PARVG: variants seen among roughly 807,000 people sequenced by gnomAD.
The protein encoded by PARVG is gamma-parvin.
A neutral mutation model predicts 44.4 loss-of-function variants in PARVG; 36 were observed. The observed-to-expected ratio is 0.81, with a 90% confidence interval of 0.62 to 1.07. PARVG has a LOEUF of 1.07. Among genes scored for constraint, PARVG ranks in the 50% least tolerant of loss-of-function variants. PARVG has a pLI of 0.00. For missense variants in PARVG, 407 were observed against 407.4 expected (o/e 1.00, Z 0.01); for synonymous variants, 170 against 174.1 (o/e 0.98, Z 0.19).
upstream of PARVG, among the ~76,000 whole-genome samples, chr22:44,176,274 A>G (rs760990094): frequency 6.4e-4 from 97 of 152,358 alleles, 1 homozygote; most frequent in Non-Finnish European, 2.5e-4. Context: ...ATCCTCCTGC[A>G]TACTTTAAAC....
intron 1 of PARVG, chr22:44,173,210 T>C (rs1054553620): frequency 1.6e-6 from 2 of 1,228,888 alleles, no homozygotes; most frequent in Non-Finnish European, 2.1e-6. Context: ...TAAAGGCTCA[T>C]CTGCCCCTCT....
intron 6 of PARVG, 110 bp downstream of exon 6, chr22:44,189,364 G>A: frequency 6.8e-7 from 1 of 1,468,846 alleles, no homozygotes; most frequent in South Asian, 1.3e-5. Flanking sequence ...TCCCAGCAGG[G>A]GTACAACCTG....
intron 12 of PARVG, among the ~76,000 whole-genome samples, 199 bp downstream of exon 12, chr22:44,198,921 TCTACCCATCCATCCATCCACCCAC>T (rs1569186357): frequency 1.8e-4 from 6 of 33,802 alleles, no homozygotes; most frequent in African/African-American, 4.7e-4. Flanking sequence ...CATCCATCCA[TCTACCCATCCATCCATCCACCCAC>T]CCATCCATCC....
chr22:44,173,116 G>T (rs560297868), exon 1 of PARVG: 4 of 1,289,462 alleles, frequency 3.1e-6, no homozygotes, highest in South Asian at 1.2e-5. Context: ...AGCCCTTTGT[G>T]GGGGATGGGA....
chr22:44,207,363 A>C lies in PARVG; in HGVS notation c.*937A>C. 1 of 41,452 alleles carries C rather than the reference A, an allele frequency of 2.4e-5. No homozygotes were observed. The highest frequency in any genetic ancestry group is 4.2e-5 in the Non-Finnish European group (1 of 23,992). 2.6% of individuals were successfully genotyped at this position (41,452 alleles called of 1,614,324 possible). Reference sequence around the variant, plus strand: ...GGGACTGGTGGGGAGGAGTGAGGCTAGTGGGCGGGTGAGGCTGGCGGGGAG... The same window carrying C: ...GGGACTGGTGGGGAGGAGTGAGGCTCGTGGGCGGGTGAGGCTGGCGGGGAG... On this transcript the variant is annotated 3_prime_UTR_variant, in exon 14 of 14. Coordinates refer to ENST00000444313, the MANE Select transcript of PARVG (RefSeq NM_022141.7).
intron 5 of PARVG, 193 bp downstream of exon 5, chr22:44,188,071 G>C (rs972963019): frequency 1.8e-5 from 11 of 621,818 alleles, no homozygotes; most frequent in Non-Finnish European, 3.1e-5. Flanking sequence ...TGAGGGGGCC[G>C]AGCTGGGGCT....
rs773560905 is a variant in PARVG at position 44,192,110 on chromosome 22, G to A, written c.560+6G>A. 1.2e-5 allele frequency: 20 copies of A among 1,612,838 alleles called. No homozygotes were observed. Among genetic ancestry groups the A allele is most frequent in the Non-Finnish European group, 1.6e-5 (19 of 1,179,914 alleles). ...GAACAGCTCACTGAATACAGGTGAG[G>A]GAAGGATGAGGGCCCATGGGTGGGG... On this transcript the variant is annotated splice_donor_region_variant and intron_variant, in intron 8 of 13. Transcript: ENST00000444313.
intron 12 of PARVG, among the ~76,000 whole-genome samples, chr22:44,199,595 C>A (rs1176479115): frequency 1.3e-5 from 2 of 152,186 alleles, no homozygotes; most frequent in African/African-American, 4.8e-5. Context: ...TGTGGTCTTG[C>A]AGGGCCACAG....
intron 9 of PARVG, among the ~76,000 whole-genome samples, chr22:44,195,129 G>A (rs565536840): frequency 6.6e-6 from 1 of 152,284 alleles, no homozygotes; most frequent in African/African-American, 2.4e-5. Flanking sequence ...GGGGAGAAAG[G>A]AGAAAGGAGG....
chr22:44,194,008 C>T (rs779396897), intron 9 of PARVG, among the ~76,000 whole-genome samples, 185 bp downstream of exon 9: 1 of 152,190 alleles, frequency 6.6e-6, no homozygotes, highest in Non-Finnish European at 1.5e-5. Flanking sequence ...GCTGGCTGCT[C>T]CTTCTCATGA....
At chr22:44,192,167 TG>T in intron 8 of PARVG, 63 bp downstream of exon 8, 2 of 1,304,532 alleles carry the variant, frequency 1.5e-6, no homozygotes, top group Non-Finnish European at 1.1e-6. Context: ...GGGGGCAGGG[TG>T]GGGGCCAGGG....
intron 4 of PARVG, chr22:44,186,594 T>C: frequency 2.1e-6 from 1 of 471,198 alleles, no homozygotes; most frequent in Non-Finnish European, 4.4e-6. Flanking sequence ...GGCCCAGCCC[T>C]GTGACTGGCA....
At chr22:44,186,147 C>T (rs1429734168) in intron 4 of PARVG, 4 of 328,394 alleles carry the variant, frequency 1.2e-5, no homozygotes, top group East Asian at 7.2e-5. Flanking sequence ...CCTTACATCC[C>T]GGGGACAGGA....
chr22:44,197,252 C>G (rs1032692239), intron 11 of PARVG, among the ~76,000 whole-genome samples: 2 of 152,172 alleles, frequency 1.3e-5, no homozygotes, highest in Admixed American at 6.5e-5. Context: ...GGTTAATGTA[C>G]TCCCATGCCT....
At chr22:44,201,716 G>A (rs139161) in intron 12 of PARVG, among the ~76,000 whole-genome samples, 29,451 of 152,196 alleles carry the variant, frequency 0.19, 3,065 homozygotes, top group Admixed American at 0.23. Context: ...CCCACAGACC[G>A]GCAGGTCGGC....
Position 44,206,678 on chromosome 22 carries a change from T to C in PARVG, c.*252T>C, listed in dbSNP as rs2054786618. On this transcript the variant is annotated 3_prime_UTR_variant, in exon 14 of 14. Transcript: ENST00000444313. ...GGATTCTGGGAACTTGACAGGGTCC[T>C]GAGGAGGGCCCTTAAACCTGCAGCC... 6.2e-6 allele frequency: 3 copies of C among 487,520 alleles called. No homozygotes were observed. The highest frequency in any genetic ancestry group is 3.7e-6 in the Non-Finnish European group (1 of 268,610). The allele number at this position is 487,520 out of a possible 1,614,324, so 30.2% of individuals were successfully genotyped here. A position where few individuals can be genotyped will look rare whatever the true frequency, so the allele number is the denominator to read the frequency against.
rs3747215 is a variant in PARVG, at chr22:44,192,626, C to T, written c.560+522C>T. Reference sequence around the variant, plus strand: ...CTGTTCCCTGCCCTCTGGGGAGTGGCCATCCTACCTCCTGCCCACTGGGCA... The same window carrying T: ...CTGTTCCCTGCCCTCTGGGGAGTGGTCATCCTACCTCCTGCCCACTGGGCA... On this transcript the variant is annotated intron_variant, in intron 8 of 13. Coordinates refer to ENST00000444313, the MANE Select transcript of PARVG (RefSeq NM_022141.7). 4.5e-5 allele frequency among the ~76,000 whole-genome samples: 5 copies of T among 111,484 alleles called. No individual in the cohort carries two copies. The East Asian group carries it at 1.4e-3, about 31-fold the overall frequency. 73.1% of individuals were successfully genotyped at this position (111,484 alleles called of 152,430 possible). A position where few individuals can be genotyped will look rare whatever the true frequency, so the allele number is the denominator to read the frequency against.
upstream of PARVG, among the ~76,000 whole-genome samples, chr22:44,179,772 C>T (rs140548147): frequency 1.4e-4 from 22 of 152,236 alleles, no homozygotes; most frequent in East Asian, 4.2e-3. This position sits in a 1 kb window ranked among gnomAD's most constrained non-coding sequence, Gnocchi z 4.2. Context: ...ATTCAGTTGC[C>T]GATGATTAGA....
chr22:44,199,157 C>T (rs1569186695), intron 12 of PARVG, among the ~76,000 whole-genome samples: 1 of 149,694 alleles, frequency 6.7e-6, no homozygotes, highest in Non-Finnish European at 1.5e-5. Flanking sequence ...ACCTGCCTGT[C>T]CATGCACCTA....
Sources: allele counts gnomAD v4.1 joint callset (sites outside exome capture counted in the v4.1 genomes callset), GRCh38; gene constraint gnomAD v4.1.1; non-coding constraint Gnocchi (gnomAD v3.1); transcripts MANE v1.5; gene names NCBI Gene and HGNC (gene_info 2026-07-23, HGNC 2026-07-21).